CRLS1: variants seen among roughly 807,000 people sequenced by gnomAD.
CRLS1 encodes cardiolipin synthase 1.
A neutral mutation model predicts 37.0 loss-of-function variants in CRLS1; 24 were observed. That is an observed-to-expected ratio of 0.65 (90% CI 0.47 to 0.91). The LOEUF is 0.91. Among genes scored for constraint, CRLS1 ranks in the 40% least tolerant of loss-of-function variants. The pLI is 0.00. For synonymous variants in CRLS1, 135 were observed against 159.7 expected, an observed-to-expected ratio of 0.85 and a Z score of 1.17; for missense variants, 373 against 395.8, an observed-to-expected ratio of 0.94 and a Z score of 0.49.
At chr20:6,019,756 G>A (rs1378491118) in intron 3 of CRLS1, among the ~76,000 whole-genome samples, 1 of 143,976 alleles carries the variant, frequency 6.9e-6, no homozygotes, top group African/African-American at 2.6e-5. Flanking sequence ...CTGCCTCCTG[G>A]GTTCATGTGA....
At chr20:6,019,342 G>A (rs1979025909) in intron 3 of CRLS1, among the ~76,000 whole-genome samples, 1 of 151,948 alleles carries the variant, frequency 6.6e-6, no homozygotes, top group South Asian at 2.1e-4. Flanking sequence ...TATAAAAAAT[G>A]TATCATACGG....
intron 3 of CRLS1, among the ~76,000 whole-genome samples, chr20:6,018,112 A>C (rs1487937163): frequency 1.4e-5 from 2 of 148,054 alleles, no homozygotes; most frequent in Non-Finnish European, 3.0e-5. Context: ...GCTACTCAGG[A>C]GGCTGAGGCA....
chr20:6,012,389 G>A (rs1453746731), intron 2 of CRLS1, among the ~76,000 whole-genome samples: 1 of 152,176 alleles, frequency 6.6e-6, no homozygotes, highest in Non-Finnish European at 1.5e-5. Flanking sequence ...TGGCAGCCGT[G>A]GTGGGAGCTT....
chr20:6,006,434 T>C lies in CRLS1; in HGVS notation c.188T>C (p.Ile63Thr). The C allele has an allele frequency of 7.1e-7, 1 of 1,406,580 alleles. No homozygotes were observed. The allele number at this position is 1,406,580 out of a possible 1,614,324, so 87.1% of individuals were successfully genotyped here. A position where few individuals can be genotyped will look rare whatever the true frequency, so the allele number is the denominator to read the frequency against. ...GCTCTTGGCTTGCGGCTGCCCGGGA[T>C]CGGCCAGCGGAACCACTGTTCGGGC... is the stretch of plus-strand genomic sequence containing the variant. The part of the protein sequence containing the change: ...PAALGLRLPG[I>T]GQRNHCSGAG... The change falls in exon 1 of 7, where the codon ATC becomes ACC. Residue 63 changes from isoleucine to threonine, a missense_variant. By Grantham distance (89) the Ile-to-Thr change is moderately conservative (BLOSUM62 -1). Transcript: ENST00000378863.
intron 5 of CRLS1, among the ~76,000 whole-genome samples, chr20:6,033,000 G>A (rs1421296129): frequency 1.3e-5 from 2 of 151,930 alleles, no homozygotes; most frequent in African/African-American, 2.4e-5. Flanking sequence ...AGCGTTACAT[G>A]GAAAGTGCTT....
At chr20:6,032,365 T>C (rs1053156473) in intron 5 of CRLS1, among the ~76,000 whole-genome samples, 3 of 121,304 alleles carry the variant, frequency 2.5e-5, no homozygotes, top group South Asian at 2.4e-4. Flanking sequence ...AATTGTTCCT[T>C]TTTTTTTTTT....
At position 6,039,661 on chromosome 20, in the gene CRLS1, A is replaced by C. The variant is rs1980835618; in HGVS notation, c.*2503A>C. The C allele has an allele frequency of 6.6e-6, 1 of 152,066 alleles. No individual in the cohort carries two copies. Among genetic ancestry groups the C allele is most frequent in the African/African-American group, 2.4e-5 (1 of 41,398 alleles). The allele number at this position is 152,066 out of a possible 1,614,324, so 9.4% of individuals were successfully genotyped here. ...GTACTGTACATGTGACCTTATTTGG[A>C]AATAGGGTCTTTTTAGATGCAGTCA... On this transcript the variant is annotated 3_prime_UTR_variant, in exon 7 of 7. Transcript: ENST00000378863.
chr20:6,032,150 TC>T, intron 5 of CRLS1, 70 bp downstream of exon 5: 1 of 1,203,944 alleles, frequency 8.3e-7, no homozygotes, highest in Non-Finnish European at 1.2e-6. Context: ...TAAACCTTAG[TC>T]AAGAACAGCT....
chr20:6,024,259 G>A (rs1979499333), intron 3 of CRLS1, among the ~76,000 whole-genome samples: 1 of 152,072 alleles, frequency 6.6e-6, no homozygotes, highest in Non-Finnish European at 1.5e-5. Context: ...CCTGGTCTCT[G>A]TGTCACGTTA....
At chr20:6,014,979 A>T (rs1755441207) in intron 2 of CRLS1, among the ~76,000 whole-genome samples, 2 of 152,134 alleles carry the variant, frequency 1.3e-5, no homozygotes, top group Admixed American at 1.3e-4. Context: ...GGATTATATT[A>T]TCCTAGTCCA....
At chr20:6,022,690 T>C (rs1413377618) in intron 3 of CRLS1, among the ~76,000 whole-genome samples, 1 of 152,206 alleles carries the variant, frequency 6.6e-6, no homozygotes, top group East Asian at 1.9e-4. Flanking sequence ...TTTTAAGATT[T>C]TCTTTGTGTT....
At chr20:6,020,532 C>T (rs984956035) in intron 3 of CRLS1, among the ~76,000 whole-genome samples, 3 of 152,002 alleles carry the variant, frequency 2.0e-5, no homozygotes, top group Non-Finnish European at 4.4e-5. Context: ...ATAAATATTC[C>T]ATGAATACTT....
intron 3 of CRLS1, 68 bp downstream of exon 3, chr20:6,015,558 T>C: frequency 6.9e-7 from 1 of 1,459,006 alleles, no homozygotes; most frequent in Non-Finnish European, 9.6e-7. Flanking sequence ...TTAGGATTTC[T>C]CTTGAGAGAC....
Position 6,032,184 on chromosome 20 carries a change from C to T in CRLS1, c.729+104C>T, listed in dbSNP as rs576587936. 152 of 902,834 alleles carry T rather than the reference C, an allele frequency of 1.7e-4. 1 individual carries two copies. In the South Asian group the frequency reaches 2.1e-3, roughly 13 times the overall value. 55.9% of individuals were successfully genotyped at this position (902,834 alleles called of 1,614,324 possible). A position where few individuals can be genotyped will look rare whatever the true frequency, so the allele number is the denominator to read the frequency against. On this transcript the variant is annotated intron_variant, in intron 5 of 6. Coordinates refer to ENST00000378863, the MANE Select transcript of CRLS1 (RefSeq NM_019095.6). ...GCTGAAAATGAGACAAATTTAAATG[C>T]ATTGAGTATAGAGGCTAGAGAGTAG...
rs117405692 is a variant in CRLS1 at position 6,024,304 on chromosome 20, A to G, written c.575-6981A>G. On this transcript the variant is annotated intron_variant, in intron 3 of 6. Transcript: ENST00000378863. ...TGCCAATATTCCAGATTTCGTCATT[A>G]TTAAATCTGTTATGGTGATCTGTGA... 9.6e-3 allele frequency among the ~76,000 whole-genome samples: 1,469 copies of G among 152,252 alleles called. 16 individuals are homozygous for G. Among genetic ancestry groups the G allele is most frequent in the Non-Finnish European group, 0.015 (1,035 of 68,006 alleles).
chr20:6,034,384 G>A lies in CRLS1; in HGVS notation c.730-80G>A, dbSNP rs1980397021. 24 of 893,384 alleles carry A rather than the reference G, an allele frequency of 2.7e-5. No individual in the cohort carries two copies. In the South Asian group the frequency reaches 3.1e-4, roughly 12 times the overall value. 55.3% of individuals were successfully genotyped at this position (893,384 alleles called of 1,614,324 possible). A position where few individuals can be genotyped will look rare whatever the true frequency, so the allele number is the denominator to read the frequency against. On this transcript the variant is annotated intron_variant, in intron 5 of 6. Transcript: ENST00000378863. Reference sequence around the variant, plus strand: ...AGGGTATGTCATGTTATAGTGTGATGGGCTGTGCTTTTGTCTTGAAAGCTT... The same window carrying A: ...AGGGTATGTCATGTTATAGTGTGATAGGCTGTGCTTTTGTCTTGAAAGCTT...
intron 2 of CRLS1, among the ~76,000 whole-genome samples, chr20:6,011,644 G>T (rs1201145328): frequency 7.8e-6 from 1 of 127,618 alleles, no homozygotes; most frequent in African/African-American, 2.9e-5. Flanking sequence ...GGAGTGCAGT[G>T]GCGTGATGTC....
chr20:6,022,291 C>A (rs932879928), intron 3 of CRLS1, among the ~76,000 whole-genome samples: 1 of 138,392 alleles, frequency 7.2e-6, no homozygotes, highest in East Asian at 2.1e-4. Flanking sequence ...GCTCAGTCAT[C>A]TTCTTCCATT....
At chr20:6,031,977 A>G (rs1980196960) in intron 4 of CRLS1, 35 bp from the exon 5 acceptor site, 2 of 1,490,274 alleles carry the variant, frequency 1.3e-6, no homozygotes, top group Admixed American at 1.7e-5. Flanking sequence ...TTAAACAATA[A>G]GTTAATTACT....
Sources: gnomAD v4.1 joint callset for allele counts (sites outside exome capture counted in the v4.1 genomes callset) on GRCh38, gnomAD v4.1.1 for gene constraint, MANE v1.5 for transcripts, NCBI Gene and HGNC (gene_info 2026-07-23, HGNC 2026-07-21) for gene names.